The following SOAT2 variants were observed in gnomAD, a reference collection of about 807,000 sequenced individuals.
The protein encoded by SOAT2 is sterol O-acyltransferase 2, also known as ACAT-2.
A neutral mutation model predicts 76.0 loss-of-function variants in SOAT2; 87 were observed. The ratio of observed to expected loss-of-function variants is 1.14; its 90% CI spans 0.96 to 1.37. The LOEUF is 1.37. Among genes scored for constraint, SOAT2 ranks in the 40% most tolerant of loss-of-function variants. The pLI is 0.00. For synonymous variants in SOAT2, 285 were observed against 275.4 expected, an observed-to-expected ratio of 1.03 and a Z score of -0.34; for missense variants, 686 against 682.1, an observed-to-expected ratio of 1.01 and a Z score of -0.06.
rs1165023196 is a variant in SOAT2, at chr12:53,105,109, T to C, written c.141T>C (p.Ala47=). ...DLVQWTRHME[A]VKAQLLEQAQ... ...TCTACCCTGGCTTTGTCCCGTAGGC[T>C]GTGAAGGCACAATTGCTGGAGCAAG... Residue 47 remains alanine (A), a splice_region_variant and synonymous_variant, in exon 3 of 15, where the codon GCT becomes GCC. Transcript: ENST00000301466. 1 of 1,557,602 alleles carries C rather than the reference T, an allele frequency of 6.4e-7. No homozygotes were observed. The highest frequency in any genetic ancestry group is 8.7e-7 in the Non-Finnish European group (1 of 1,150,392).
Position 53,124,423 on chromosome 12 carries a change from A to G in SOAT2, c.*300A>G. 7.2e-6 allele frequency: 3 copies of G among 417,550 alleles called. No individual in the cohort carries two copies. The highest frequency in any genetic ancestry group is 1.3e-5 in the Non-Finnish European group (3 of 232,326). 25.9% of individuals were successfully genotyped at this position (417,550 alleles called of 1,614,324 possible). On this transcript the variant is annotated 3_prime_UTR_variant, in exon 15 of 15. Coordinates refer to ENST00000301466, the MANE Select transcript of SOAT2 (RefSeq NM_003578.4). ...AGACTTGGGGTACCTTATGGATTTG[A>G]TGAATGTGGGGGAACTCAGAGGAAC...
At position 53,116,150 on chromosome 12, in the gene SOAT2, C is replaced by T. The variant is rs1273885584; in HGVS notation, c.762C>T (p.Thr254=). 10 of 1,613,924 alleles carry T rather than the reference C, an allele frequency of 6.2e-6. No individual in the cohort carries two copies. In the African/African-American group the frequency reaches 1.3e-4, roughly 22 times the overall value. ...TCCTGAGAGAGGCTGTGCCTGGGAC[C>T]CTTCGTGCCAGACGAGGTGAGGCCT... ...YSFLREAVPG[T]LRARRGEGIQ... The change falls in exon 7 of 15, where the codon ACC becomes ACT. Residue 254 remains threonine, a synonymous_variant. Transcript: ENST00000301466.
In SOAT2 at chr12:53,105,263, G is replaced by A. The variant is rs756528613; in HGVS notation, c.275+20G>A. The A allele has an allele frequency of 5.5e-5, 88 of 1,595,818 alleles. No individual in the cohort carries two copies. Among genetic ancestry groups the A allele is most frequent in the Non-Finnish European group, 7.2e-5 (84 of 1,171,950 alleles). On this transcript the variant is annotated intron_variant, in intron 3 of 14. Coordinates refer to ENST00000301466, the MANE Select transcript of SOAT2 (RefSeq NM_003578.4). ...GAGCAGGTGAGTCTGGGGAATGGCT[G>A]CGCGGGCTCCTCTGTAGCAAGGATC...
intron 7 of SOAT2, among the ~76,000 whole-genome samples, chr12:53,116,956 CA>C (rs1938114479): frequency 7.0e-6 from 1 of 142,472 alleles, no homozygotes; most frequent in African/African-American, 2.8e-5. Flanking sequence ...GGCCCAATTT[CA>C]AATTTTTTTT....
chr12:53,115,616 C>A lies in SOAT2; in HGVS notation c.670C>A (p.Leu224Ile). The change falls in exon 6 of 15, where the codon CTC (leucine) becomes ATC (isoleucine). Residue 224 changes from leucine (L) to isoleucine (I), a missense_variant. By Grantham distance (5) the Leu-to-Ile change is conservative (BLOSUM62 2). Transcript: ENST00000301466. The stretch of plus-strand genomic sequence containing the variant: ...GGTCCACGTGGCCGTGGAGCATCAG[C>A]TCCCGCCGGCCTCCCGTTGTGTCCT... ...LPVHVAVEHQLPPASRCVLVF... is the reference protein window; with the variant it reads ...LPVHVAVEHQIPPASRCVLVF... 1 of 1,559,994 alleles carries A rather than the reference C, an allele frequency of 6.4e-7. No individual in the cohort carries two copies. Among genetic ancestry groups the A allele is most frequent in the South Asian group, 1.2e-5 (1 of 86,698 alleles).
At position 53,108,008 on chromosome 12, in the gene SOAT2, T is replaced by C. The variant is rs371274413; in HGVS notation, c.443+1994T>C. On this transcript the variant is annotated intron_variant, in intron 5 of 14. Transcript: ENST00000301466. ...ATAGTAGGACTGGTTTGCTTTATTA[T>C]ACTTGGTTTAATTATTTGTATACAG... Among the ~76,000 whole-genome samples the C allele has an allele frequency of 1.2e-4, 19 of 152,180 alleles. No homozygotes were observed. The East Asian group carries it at 2.9e-3, about 23-fold the overall frequency.
At position 53,118,891 on chromosome 12, in the gene SOAT2, A is replaced by G. The variant is rs141577728; in HGVS notation, c.865A>G (p.Thr289Ala). 3 of 1,614,044 alleles carry G rather than the reference A, an allele frequency of 1.9e-6. No homozygotes were observed. In the East Asian group the frequency reaches 6.7e-5, roughly 36 times the overall value. The change falls in exon 9 of 15, where the codon ACG becomes GCG. Residue 289 changes from threonine (T) to alanine (A), a missense_variant and splice_region_variant. Physicochemically the swap from Thr to Ala is moderately conservative, Grantham distance 58. Coordinates refer to ENST00000301466, the MANE Select transcript of SOAT2 (RefSeq NM_003578.4). The stretch of plus-strand genomic sequence containing the variant: ...ATATTGTCCCCATTGCCGCTGCAGG[A>G]CGCCCTATGTCAGGTGGAATTATGT... The part of the protein sequence containing the change: ...TLIYRETYPR[T>A]PYVRWNYVAK...
In SOAT2 at chr12:53,103,597, G is replaced by T. The variant is rs76539516; in HGVS notation, c.20G>T (p.Arg7Leu). 1.9e-6 allele frequency: 3 copies of T among 1,546,620 alleles called. No individual in the cohort carries two copies. The highest frequency in any genetic ancestry group is 2.4e-5 in the East Asian group (1 of 40,918). The change falls in exon 1 of 15, where the codon CGT becomes CTT. Residue 7 changes from arginine (R) to leucine (L), a missense_variant. Physicochemically the swap from Arg to Leu is moderately radical, Grantham distance 102. Transcript: ENST00000301466. MEPGGA[R>L]LRLQRTEGLG... ...CGCACCATGGAGCCAGGCGGGGCCCGTCTGCGTCTGCAGAGGACAGAAGGG... is the reference window on the plus strand; with the variant it reads ...CGCACCATGGAGCCAGGCGGGGCCCTTCTGCGTCTGCAGAGGACAGAAGGG...
intron 5 of SOAT2, among the ~76,000 whole-genome samples, chr12:53,113,491 T>C (rs893903503): frequency 1.3e-5 from 2 of 152,196 alleles, no homozygotes; most frequent in African/African-American, 4.8e-5. Flanking sequence ...AAGCCACTGG[T>C]GGCTGAACAC....
intron 10 of SOAT2, among the ~76,000 whole-genome samples, chr12:53,120,116 G>A (rs190508903): frequency 3.3e-5 from 5 of 152,162 alleles, no homozygotes; most frequent in African/African-American, 2.4e-5. Flanking sequence ...GAGGAGGACC[G>A]CTTGAGGCCA....
At chr12:53,104,287 G>GA in intron 2 of SOAT2, 81 bp downstream of exon 2, 9 of 765,368 alleles carry the variant, frequency 1.2e-5, no homozygotes, top group Non-Finnish European at 1.7e-5. Context: ...TGATAAAGAT[G>GA]ACTTTTTTTT....
intron 5 of SOAT2, among the ~76,000 whole-genome samples, chr12:53,106,536 T>C (rs1937939181): frequency 6.6e-6 from 1 of 152,200 alleles, no homozygotes; most frequent in Non-Finnish European, 1.5e-5. Flanking sequence ...TGTATACCCC[T>C]GGGGGTCTGT....
rs901546850 is a variant in SOAT2 at position 53,119,102 on chromosome 12, T to A, written c.910-22T>A. The A allele has an allele frequency of 5.6e-6, 9 of 1,613,638 alleles. No homozygotes were observed. The African/African-American group carries it at 1.1e-4, about 19-fold the overall frequency. ...AGCTGCCAGCATCCCTCTCCAGTTATGTGTCCCCATGCCCCCTCCAGGCCC... is the reference window on the plus strand; with the variant it reads ...AGCTGCCAGCATCCCTCTCCAGTTAAGTGTCCCCATGCCCCCTCCAGGCCC... On this transcript the variant is annotated intron_variant, in intron 9 of 14. Coordinates refer to ENST00000301466, the MANE Select transcript of SOAT2 (RefSeq NM_003578.4).
intron 10 of SOAT2, among the ~76,000 whole-genome samples, chr12:53,120,469 A>T (rs978951535): frequency 2.6e-5 from 4 of 151,866 alleles, no homozygotes; most frequent in Non-Finnish European, 4.4e-5. Flanking sequence ...CGTCTCAAAA[A>T]AATAATAATA....
Position 53,114,685 on chromosome 12 carries a change from C to T in SOAT2, c.444-705C>T, listed in dbSNP as rs111346747. Among the ~76,000 whole-genome samples the T allele has an allele frequency of 5.8e-3, 878 of 152,306 alleles. 8 individuals carry two copies. The highest frequency in any genetic ancestry group is 0.02 in the African/African-American group (851 of 41,556). On this transcript the variant is annotated intron_variant, in intron 5 of 14. Transcript: ENST00000301466. Reference sequence around the variant, plus strand: ...GCAGTGAGCAGAAATTGTGCCACTGCACTCCAGCCTGGGTGACAGAGCGAG... The same window carrying T: ...GCAGTGAGCAGAAATTGTGCCACTGTACTCCAGCCTGGGTGACAGAGCGAG...
chr12:53,106,085 T>A, intron 5 of SOAT2, 71 bp downstream of exon 5: 1 of 1,059,806 alleles, frequency 9.4e-7, no homozygotes, highest in Admixed American at 1.9e-5. Context: ...GTGCCCCACC[T>A]GCCCTTGGGG....
At chr12:53,106,391 A>AG (rs1291261476) in intron 5 of SOAT2, among the ~76,000 whole-genome samples, 1 of 152,188 alleles carries the variant, frequency 6.6e-6, no homozygotes, top group Non-Finnish European at 1.5e-5. Context: ...CAGAGAAATG[A>AG]GGGGGGCAGA....
At position 53,103,635 on chromosome 12, in the gene SOAT2, C is replaced by G. The variant is rs1171615819; in HGVS notation, c.58C>G (p.Arg20Gly). ...LQRTEGLGGERERQPCGDGNT... is the reference protein window; with the variant it reads ...LQRTEGLGGEGERQPCGDGNT... The stretch of plus-strand genomic sequence containing the variant: ...GAGGACAGAAGGGCTGGGAGGGGAG[C>G]GGGAGCGCCAACCCTGTGGAGATGG... The change falls in exon 1 of 15, where the codon CGG becomes GGG. Residue 20 changes from arginine to glycine, a missense_variant. Transcript: ENST00000301466. The G allele has an allele frequency of 4.5e-6, 7 of 1,541,500 alleles. No individual in the cohort carries two copies. The highest frequency in any genetic ancestry group is 6.1e-6 in the Non-Finnish European group (7 of 1,144,800).
Position 53,115,636 on chromosome 12 carries a change from T to A in SOAT2, c.690T>A (p.Cys230Ter). 6.5e-7 allele frequency: 1 copy of A among 1,543,374 alleles called. No individual in the cohort carries two copies. Among genetic ancestry groups the A allele is most frequent in the African/African-American group, 1.4e-5 (1 of 73,828 alleles). The change falls in exon 6 of 15, where the codon TGT becomes TGA. Residue 230 changes from cysteine (C) to a stop codon, truncating the protein, a stop_gained. Transcript: ENST00000301466. LOFTEE classifies it high-confidence loss of function. ...ATCAGCTCCCGCCGGCCTCCCGTTG[T>A]GTCCTGGTCTTCGAGCAGGTGAGGG... ...VEHQLPPASR[C>*]VLVFEQVRFL...
Sources: gnomAD v4.1 joint callset for allele counts (sites outside exome capture counted in the v4.1 genomes callset) on GRCh38, gnomAD v4.1.1 for gene constraint, MANE v1.5 for transcripts, NCBI Gene and HGNC (gene_info 2026-07-23, HGNC 2026-07-21) for gene names.